The following CARF variants were observed in gnomAD, a reference collection of about 807,000 sequenced individuals.
The protein encoded by CARF is calcium responsive transcription factor, also known as calcium-responsive transcription factor.
In CARF, 57 loss-of-function variants were observed where a neutral mutation model predicts 82.0. That is an observed-to-expected ratio of 0.70 (90% CI 0.56 to 0.87). CARF has a LOEUF of 0.87. CARF is among the 40% of genes least tolerant of loss of function. CARF has a pLI of 0.00. For synonymous variants in CARF, 268 were observed against 290.1 expected (o/e 0.92, Z 0.77); for missense variants, 771 against 855.8 (o/e 0.90, Z 1.24).
intron 8 of CARF, among the ~76,000 whole-genome samples, chr2:202,956,738 G>A (rs965128793): frequency 2.6e-5 from 4 of 152,054 alleles, no homozygotes; most frequent in Non-Finnish European, 5.9e-5. Flanking sequence ...CAGGCATAAA[G>A]TTTTGTACTA....
At chr2:202,979,807 A>G (rs1236125965) in intron 14 of CARF, among the ~76,000 whole-genome samples, 1 of 152,222 alleles carries the variant, frequency 6.6e-6, no homozygotes, top group South Asian at 2.1e-4. Flanking sequence ...TCAAAAAAAA[A>G]AAAAGAAAGA....
chr2:202,926,695 C>T (rs777009178), intron 3 of CARF, among the ~76,000 whole-genome samples: 43 of 152,178 alleles, frequency 2.8e-4, no homozygotes, highest in Non-Finnish European at 5.1e-4. Context: ...GATATAATAT[C>T]TTATTGAGTC....
At chr2:202,981,094 G>A (rs758449144) in intron 14 of CARF, among the ~76,000 whole-genome samples, 6 of 152,116 alleles carry the variant, frequency 3.9e-5, no homozygotes, top group Non-Finnish European at 8.8e-5. Flanking sequence ...CAAATAGTGG[G>A]CTACATCAGC....
Position 202,913,001 on chromosome 2 carries a change from A to G in CARF, c.-431A>G, listed in dbSNP as rs1359300020. On this transcript the variant is annotated 5_prime_UTR_variant, in exon 1 of 17. Transcript: ENST00000438828. Reference sequence around the variant, plus strand: ...TTTTTCTGAGGGAGGATGGATGGAGATAACTATCCTGATCCCAATGTCACT... The same window carrying G: ...TTTTTCTGAGGGAGGATGGATGGAGGTAACTATCCTGATCCCAATGTCACT... 1 of 152,200 alleles carries G rather than the reference A, an allele frequency of 6.6e-6. No individual in the cohort carries two copies. Among genetic ancestry groups the G allele is most frequent in the Non-Finnish European group, 1.5e-5 (1 of 68,052 alleles). The allele number at this position is 152,200 out of a possible 1,614,324, so 9.4% of individuals were successfully genotyped here.
At chr2:202,954,730 C>G (rs1222242295) in intron 7 of CARF, among the ~76,000 whole-genome samples, 2 of 140,210 alleles carry the variant, frequency 1.4e-5, no homozygotes, top group Non-Finnish European at 3.1e-5. Context: ...AAAAAAAAGA[C>G]TGGGCACAGT....
chr2:202,945,877 G>C (rs2058473267), intron 5 of CARF, among the ~76,000 whole-genome samples: 1 of 152,068 alleles, frequency 6.6e-6, no homozygotes, highest in African/African-American at 2.4e-5. Context: ...TCTCTTTGAG[G>C]AATCACCATA....
At chr2:202,956,013 C>G (rs923531818) in intron 8 of CARF, among the ~76,000 whole-genome samples, 14 of 151,978 alleles carry the variant, frequency 9.2e-5, no homozygotes, top group Admixed American at 2.6e-4. Context: ...GTCCATGAAA[C>G]TTCACTATCA....
At chr2:202,921,347 C>T (rs1369450372) in intron 2 of CARF, among the ~76,000 whole-genome samples, 2 of 152,238 alleles carry the variant, frequency 1.3e-5, no homozygotes, top group East Asian at 1.9e-4. Flanking sequence ...TATGTAAACA[C>T]CTCAGTAAAT....
At chr2:202,935,731 T>C (rs140644307) in intron 3 of CARF, among the ~76,000 whole-genome samples, 239 of 152,282 alleles carry the variant, frequency 1.6e-3, no homozygotes, top group Middle Eastern at 0.01. Context: ...AGCCTGACTT[T>C]GATATTTTTT....
intron 5 of CARF, among the ~76,000 whole-genome samples, chr2:202,944,000 G>T (rs1029965379): frequency 2.6e-5 from 4 of 152,106 alleles, no homozygotes; most frequent in African/African-American, 9.7e-5. Flanking sequence ...CCACTTTCTG[G>T]TATGTTTTCT....
chr2:202,941,782 A>G, intron 3 of CARF, 78 bp from the exon 4 acceptor site: 1 of 657,624 alleles, frequency 1.5e-6, no homozygotes, highest in Non-Finnish European at 2.7e-6. Flanking sequence ...AGTAGTGAAT[A>G]TGAGAGATTT....
intron 9 of CARF, among the ~76,000 whole-genome samples, chr2:202,963,888 A>G (rs1220093902): frequency 6.6e-6 from 1 of 152,166 alleles, no homozygotes; most frequent in Non-Finnish European, 1.5e-5. Flanking sequence ...GTGGCTGTAA[A>G]TACAGATGAA....
intron 13 of CARF, among the ~76,000 whole-genome samples, chr2:202,974,722 A>G (rs2105923897): frequency 6.6e-6 from 1 of 151,942 alleles, no homozygotes; most frequent in Non-Finnish European, 1.5e-5. Flanking sequence ...AACACGGTGA[A>G]ACCCCATCTC....
chr2:202,970,186 T>A, intron 11 of CARF, 124 bp downstream of exon 11: 1 of 850,538 alleles, frequency 1.2e-6, no homozygotes, highest in Non-Finnish European at 1.8e-6. Flanking sequence ...AAGGTAGAGA[T>A]ATCAATAGTT....
intron 5 of CARF, among the ~76,000 whole-genome samples, chr2:202,948,571 T>G (rs556995351): frequency 6.6e-6 from 1 of 152,288 alleles, no homozygotes; most frequent in African/African-American, 2.4e-5. Context: ...ATCTTTCACC[T>G]TCTTGTAATC....
intron 9 of CARF, 60 bp from the exon 10 acceptor site, chr2:202,966,918 T>A: frequency 2.0e-6 from 3 of 1,520,586 alleles, no homozygotes; most frequent in Non-Finnish European, 2.7e-6. Context: ...TTACTTTTAA[T>A]CTAGTGTCTA....
intron 5 of CARF, among the ~76,000 whole-genome samples, chr2:202,945,042 A>T (rs545944647): frequency 6.6e-6 from 1 of 152,356 alleles, no homozygotes; most frequent in African/African-American, 2.4e-5. Context: ...CATGGAAAAA[A>T]AATGTGAGAA....
intron 9 of CARF, among the ~76,000 whole-genome samples, chr2:202,963,333 A>G (rs1414047543): frequency 2.1e-5 from 3 of 140,704 alleles, no homozygotes; most frequent in Non-Finnish European, 3.2e-5. Context: ...AAAAAAAAAA[A>G]TTGCTCTCAA....
At chr2:202,942,050 C>T in intron 4 of CARF, 70 bp downstream of exon 4, 1 of 1,182,436 alleles carries the variant, frequency 8.5e-7, no homozygotes, top group Non-Finnish European at 1.3e-6. Flanking sequence ...GCTCTTTATG[C>T]TCAAGGGATA....
Sources: gnomAD v4.1 joint callset for allele counts (sites outside exome capture counted in the v4.1 genomes callset) on GRCh38, gnomAD v4.1.1 for gene constraint, MANE v1.5 for transcripts, NCBI Gene and HGNC (gene_info 2026-07-23, HGNC 2026-07-21) for gene names.